Variants in MORC4 observed in about 807,000 individuals in gnomAD.
The protein encoded by MORC4 is MORC family CW-type zinc finger protein 4.
MORC4 carries 22 observed loss-of-function variants against 65.5 expected under a neutral mutation model. That is an observed-to-expected ratio of 0.34 (90% CI 0.24 to 0.48). The LOEUF is 0.48. MORC4 is among the 20% of genes least tolerant of loss of function. MORC4 has a pLI of 0.99. For synonymous variants in MORC4, 267 were observed against 255.8 expected (o/e 1.04, Z -0.42); for missense variants, 624 against 703.0 (o/e 0.89, Z 1.27).
At chrX:106,966,042 G>A (rs920187102) in intron 9 of MORC4, among the ~76,000 whole-genome samples, 3 of 111,950 alleles carry the variant, frequency 2.7e-5, no homozygotes, top group African/African-American at 9.7e-5. Context: ...GTGGCCTGGT[G>A]TCTTCTTGCT....
Position 106,973,100 on chromosome X carries a change from G to A in MORC4, c.1157+3484C>T, listed in dbSNP as rs753726361. Among the ~76,000 whole-genome samples, 3 of 112,275 alleles carry A rather than the reference G, an allele frequency of 2.7e-5. No individual in the cohort carries two copies. The South Asian group carries it at 1.1e-3, about 42-fold the overall frequency. ...AAAAGGAAAGACAGCTTTGAGGGTGGAGCCCTAAGTCCAGAGGGCAAAGCC... is the reference window on the plus strand; with the variant it reads ...AAAAGGAAAGACAGCTTTGAGGGTGAAGCCCTAAGTCCAGAGGGCAAAGCC... On this transcript the variant is annotated intron_variant, in intron 9 of 16. Transcript: ENST00000355610.
chrX:106,982,365 CA>C (rs1934764884), intron 5 of MORC4, among the ~76,000 whole-genome samples: 3 of 111,930 alleles, frequency 2.7e-5, no homozygotes. Context: ...CTTCATACTT[CA>C]GGCTCTATAA....
intron 14 of MORC4, among the ~76,000 whole-genome samples, chrX:106,954,116 A>G (rs1166897681): frequency 8.9e-6 from 1 of 112,832 alleles, no homozygotes; most frequent in African/African-American, 3.2e-5. Flanking sequence ...AGAGCGAAAC[A>G]TAATAGTCAG....
intron 2 of MORC4, among the ~76,000 whole-genome samples, chrX:106,994,922 T>C (rs1046928887): frequency 8.9e-6 from 1 of 111,810 alleles, no homozygotes; most frequent in Non-Finnish European, 1.9e-5. Context: ...GATACACTTA[T>C]ACAATGTGTA....
Position 106,941,371 on chromosome X carries a change from T to TGAGAGAGAGAGAGAGA in MORC4, c.*92_*107dup, listed in dbSNP as rs58310740. 1.1e-4 allele frequency: 44 copies of TGAGAGAGAGAGAGAGA among 395,874 alleles called. No individual in the cohort carries two copies. The highest frequency in any genetic ancestry group is 9.1e-4 in the African/African-American group (28 of 30,692). 32.6% of individuals were successfully genotyped at this position (395,874 alleles called of 1,213,427 possible). A position where few individuals can be genotyped will look rare whatever the true frequency, so the allele number is the denominator to read the frequency against. On this transcript the variant is annotated 3_prime_UTR_variant, in exon 17 of 17. Coordinates refer to ENST00000355610, the MANE Select transcript of MORC4 (RefSeq NM_024657.5). ...TCTATATAAGGCATAAAGGTGAGGG[T>TGAGAGAGAGAGAGAGA]GAGAGAGAGAGAGAGAGAGAGAGAG...
rs1935151700 is a variant in MORC4 at position 106,999,946 on chromosome X, G to A, written c.24C>T (p.Pro8=). The A allele has an allele frequency of 1.1e-6, 1 of 875,512 alleles. No homozygotes were observed. Among genetic ancestry groups the A allele is most frequent in the Non-Finnish European group, 1.4e-6 (1 of 711,631 alleles). 72.2% of individuals were successfully genotyped at this position (875,512 alleles called of 1,213,427 possible). The part of the protein sequence containing the change: MLLYRGA[P]AGPGAPGCGL... ...CGCAGCCCGGCGCGCCAGGGCCGGC[G>A]GGGGCCCCTCGGTACAGGAGCATTT... is the stretch of plus-strand genomic sequence containing the variant. Residue 8 remains proline, a synonymous_variant, in exon 1 of 17, where the codon CCC becomes CCT. Transcript: ENST00000355610.
rs1327386660 is a variant in MORC4, at chrX:106,981,390, A to C, written c.762T>G (p.Thr254=). ...VSDFDTEEKM[T]GGVTSELPET... is the part of the protein sequence containing the mutation. ...CTGGTAGCTCAGAGGTAACACCGCC[A>C]GTCATTTTTTCTTCTGTGTCAAAGT... The change falls in exon 6 of 17, where the codon ACT becomes ACG. Residue 254 remains threonine, a synonymous_variant. Transcript: ENST00000355610. The C allele has an allele frequency of 8.3e-7, 1 of 1,206,808 alleles. No homozygotes were observed. Among genetic ancestry groups the C allele is most frequent in the Admixed American group, 2.2e-5 (1 of 45,685 alleles).
Position 106,985,248 on chromosome X carries a change from A to G in MORC4, c.527-5T>C. 1 of 1,127,887 alleles carries G rather than the reference A, an allele frequency of 8.9e-7. No individual in the cohort carries two copies. The highest frequency in any genetic ancestry group is 1.2e-6 in the Non-Finnish European group (1 of 837,916). 93.0% of individuals were successfully genotyped at this position (1,127,887 alleles called of 1,213,427 possible). A position where few individuals can be genotyped will look rare whatever the true frequency, so the allele number is the denominator to read the frequency against. ...CCTCGGTAATAATCATTTTTTGTAA[A>G]ATCAAATATAGTCAAAGAAAAAATA... On this transcript the variant is annotated splice_region_variant and splice_polypyrimidine_tract_variant and intron_variant, in intron 4 of 16. Coordinates refer to ENST00000355610, the MANE Select transcript of MORC4 (RefSeq NM_024657.5).
intron 2 of MORC4, 35 bp downstream of exon 2, chrX:106,999,642 G>A (rs1433829530): frequency 8.1e-6 from 9 of 1,109,218 alleles, no homozygotes; most frequent in Admixed American, 2.9e-5. Flanking sequence ...CCACTGCCTC[G>A]GGCGAACACG....
In MORC4 at chrX:106,980,966, T is replaced by C. The variant is rs370630146; in HGVS notation, c.861A>G (p.Gln287=). 5 of 1,207,866 alleles carry C rather than the reference T, an allele frequency of 4.1e-6. No homozygotes were observed. Among genetic ancestry groups the C allele is most frequent in the African/African-American group, 3.5e-5 (2 of 57,101 alleles). The change falls in exon 7 of 17, where the codon CAA becomes CAG. Residue 287 remains glutamine (Q), a synonymous_variant. Transcript: ENST00000355610. The stretch of plus-strand genomic sequence containing the variant: ...CAATCATCTGGGTAGTCACCTTCTT[T>C]TGACGCAGAAAAATTTTCATGCGTG... The part of the protein sequence containing the change: ...MKPRMKIFLR[Q]KKVTTQMIAK...
chrX:106,975,300 T>C (rs1478957159), intron 9 of MORC4, among the ~76,000 whole-genome samples: 1 of 111,771 alleles, frequency 8.9e-6, no homozygotes, highest in Non-Finnish European at 1.9e-5. Flanking sequence ...CAAACTAATG[T>C]CATTCCTAAG....
chrX:106,995,198 G>A (rs768355319), intron 2 of MORC4, among the ~76,000 whole-genome samples: 42 of 106,415 alleles, frequency 3.9e-4, no homozygotes, highest in Admixed American at 1.3e-3. Flanking sequence ...CTACTTCTAA[G>A]CTTATTGCAG....
chrX:106,977,429 A>T (rs1416271752), intron 8 of MORC4, among the ~76,000 whole-genome samples: 1 of 111,887 alleles, frequency 8.9e-6, no homozygotes, highest in East Asian at 2.8e-4. Flanking sequence ...TCTGTAAAAT[A>T]GGAATAAAAG....
At chrX:106,949,278 C>A (rs909069094) in intron 14 of MORC4, among the ~76,000 whole-genome samples, 1 of 111,440 alleles carries the variant, frequency 9.0e-6, no homozygotes, top group African/African-American at 3.3e-5. Flanking sequence ...TATTAATATT[C>A]TCTACTTTAA....
In MORC4 at chrX:106,958,324, C is replaced by T; in HGVS notation, c.1385+12G>A. 2 of 1,197,113 alleles carry T rather than the reference C, an allele frequency of 1.7e-6. No individual in the cohort carries two copies. Among genetic ancestry groups the T allele is most frequent in the African/African-American group, 3.5e-5 (2 of 57,317 alleles). ...GTTACCTTGAGCATAAGATTGAGTC[C>T]TGGAACCTTACCTGTACTTTGGATG... is the stretch of plus-strand genomic sequence containing the variant. On this transcript the variant is annotated intron_variant, in intron 11 of 16. Transcript: ENST00000355610.
intron 10 of MORC4, among the ~76,000 whole-genome samples, chrX:106,960,492 G>A (rs1341133540): frequency 1.8e-5 from 2 of 111,713 alleles, no homozygotes; most frequent in African/African-American, 6.5e-5. Flanking sequence ...CTTGCTGCTT[G>A]TCTAACCTTA....
chrX:106,999,721 G>C lies in MORC4; in HGVS notation c.131C>G (p.Ser44Cys). The stretch of plus-strand genomic sequence containing the variant: ...ACTGAAGGGTCGCGTGTGGCTGCTG[G>C]AGTTGCTCTGGAGGTAGCGGGGGCT... ...TMSPRYLQSN[S>C]SSHTRPFSAI... is the part of the protein sequence containing the mutation. The change falls in exon 2 of 17, where the codon TCC becomes TGC. Residue 44 changes from serine (S) to cysteine (C), a missense_variant. Ser to Cys is a moderately radical substitution (Grantham distance 112). Coordinates refer to ENST00000355610, the MANE Select transcript of MORC4 (RefSeq NM_024657.5). The C allele has an allele frequency of 8.9e-7, 1 of 1,128,677 alleles. No homozygotes were observed. The highest frequency in any genetic ancestry group is 1.2e-6 in the Non-Finnish European group (1 of 856,556). The allele number at this position is 1,128,677 out of a possible 1,213,427, so 93.0% of individuals were successfully genotyped here.
intron 14 of MORC4, among the ~76,000 whole-genome samples, chrX:106,949,130 T>C (rs1256449258): frequency 8.9e-6 from 1 of 111,979 alleles, no homozygotes; most frequent in Non-Finnish European, 1.9e-5. Context: ...CTATAACTTA[T>C]CTATCTTCAA....
chrX:106,946,620 G>A (rs766314561), intron 14 of MORC4, among the ~76,000 whole-genome samples: 13 of 112,120 alleles, frequency 1.2e-4, no homozygotes, highest in South Asian at 3.7e-4. Context: ...ATATAGATAC[G>A]TTTTCCGTTT....
Sources: gnomAD v4.1 joint callset for allele counts (sites outside exome capture counted in the v4.1 genomes callset) on GRCh38, gnomAD v4.1.1 for gene constraint, MANE v1.5 for transcripts, NCBI Gene and HGNC (gene_info 2026-07-23, HGNC 2026-07-21) for gene names.